The following MYO15B variants were observed in gnomAD, a reference collection of about 807,000 sequenced individuals.
MYO15B encodes the protein myosin XVB pseudogene.
A neutral mutation model predicts 119.3 loss-of-function variants in MYO15B; 207 were observed. The ratio of observed to expected loss-of-function variants is 1.73; its 90% CI spans 1.55 to 1.95. The LOEUF is 1.95. Among genes scored for constraint, MYO15B ranks in the 30% most tolerant of loss-of-function variants. The pLI, the probability that MYO15B is intolerant of heterozygous loss-of-function variation, is 0.00. For missense variants in MYO15B, 2,264 were observed against 1,203.1 expected (o/e 1.88, Z -13.04); for synonymous variants, 966 against 498.9 (o/e 1.94, Z -12.48).
intron 14 of MYO15B, chr17:75,600,488 C>T (rs1047957627): frequency 1.3e-4 from 20 of 151,708 alleles, no homozygotes; most frequent in African/African-American, 2.7e-4. Flanking sequence ...CACTCTCTCA[C>T]GCAGGCTGGA....
chr17:75,590,209 G>C (rs1041475176), exon 1 of MYO15B: 9 of 398,980 alleles, frequency 2.3e-5, no homozygotes, highest in African/African-American at 6.2e-5. Flanking sequence ...CCTCGGAGAC[G>C]GCCTGGAAGA....
chr17:75,590,975 C>G (rs2056403716), exon 3 of MYO15B: 1 of 569,760 alleles, frequency 1.8e-6, no homozygotes, highest in African/African-American at 1.9e-5. Flanking sequence ...CACCTGAGGT[C>G]CAGGCAAGCT....
intron 58 of MYO15B, 42 bp from the exon 59 acceptor site, chr17:75,624,729 G>A (rs1304744910): frequency 1.4e-6 from 1 of 702,592 alleles, no homozygotes; most frequent in Admixed American, 2.0e-5. Flanking sequence ...AGGGCCGGGT[G>A]TGTGTGGTCT....
Position 75,621,572 on chromosome 17 carries a change from T to C in MYO15B, c.8005+2T>C, listed in dbSNP as rs1176500421. 1 of 700,862 alleles carries C rather than the reference T, an allele frequency of 1.4e-6. No homozygotes were observed. Among genetic ancestry groups the C allele is most frequent in the Admixed American group, 2.0e-5 (1 of 49,970 alleles). 43.4% of individuals were successfully genotyped at this position (700,862 alleles called of 1,614,324 possible). ...AGCTGGCTGTAGCCAGCTTCCTGGGTGAGTGGCCACAGGCATCCTGGGTCC... is the reference window on the plus strand; with the variant it reads ...AGCTGGCTGTAGCCAGCTTCCTGGGCGAGTGGCCACAGGCATCCTGGGTCC... On this transcript the variant is annotated splice_donor_variant, in intron 52 of 63. Transcript: ENST00000645453. LOFTEE classifies it high-confidence loss of function.
At chr17:75,594,946 A>T (rs761265053) in exon 12 of MYO15B, 10 of 702,950 alleles carry the variant, frequency 1.4e-5, no homozygotes, top group Non-Finnish European at 2.3e-5. Context: ...TGGCACCGTC[A>T]CTGTCGTGGA....
Position 75,617,329 on chromosome 17 carries a change from C to T in MYO15B, c.6814+25C>T, listed in dbSNP as rs759922046. ...TGTAAGGAACCACATTTCTCCTGCGCCGTGGGCTTCACTGGGGCAGAGGCA... is the reference window on the plus strand; with the variant it reads ...TGTAAGGAACCACATTTCTCCTGCGTCGTGGGCTTCACTGGGGCAGAGGCA... On this transcript the variant is annotated intron_variant, in intron 41 of 63. Transcript: ENST00000645453. 4.9e-6 allele frequency: 3 copies of T among 606,904 alleles called. No homozygotes were observed. In the South Asian group the frequency reaches 5.7e-5, roughly 11 times the overall value. The allele number at this position is 606,904 out of a possible 1,614,324, so 37.6% of individuals were successfully genotyped here.
At chr17:75,602,562 G>A (rs2057352455) in exon 16 of MYO15B, 1 of 693,440 alleles carries the variant, frequency 1.4e-6, no homozygotes, top group Non-Finnish European at 2.6e-6. Context: ...GGACCCTGCT[G>A]TGGTGGAGAT....
rs149505947 is a variant in MYO15B, at chr17:75,604,983, C to T, written c.4017-521C>T. Among the ~76,000 whole-genome samples the T allele has an allele frequency of 4.6e-5, 7 of 151,250 alleles. No homozygotes were observed. In the East Asian group the frequency reaches 1.4e-3, roughly 30 times the overall value. ...AGAAACCCCGTCTCTACTAAAAATA[C>T]AAAATCAGCTGGGCGTGGTGTTGCA... is the stretch of plus-strand genomic sequence containing the variant. On this transcript the variant is annotated intron_variant, in intron 19 of 63. Coordinates refer to ENST00000645453, the Ensembl canonical transcript of MYO15B.
intron 14 of MYO15B, among the ~76,000 whole-genome samples, chr17:75,599,749 G>A (rs1241600461): frequency 6.6e-6 from 1 of 151,478 alleles, no homozygotes; most frequent in African/African-American, 2.4e-5. Flanking sequence ...CAAAAAATGA[G>A]TCGAGCGTGG....
rs188776196 is a variant in MYO15B at position 75,613,055 on chromosome 17, T to G, written c.4813T>G (p.Cys1605Gly). The G allele has an allele frequency of 4.8e-4, 339 of 701,684 alleles. No homozygotes were observed. In the African/African-American group the frequency reaches 5.2e-3, roughly 11 times the overall value. 43.5% of individuals were successfully genotyped at this position (701,684 alleles called of 1,614,324 possible). Residue 1605 changes from cysteine to glycine, a missense_variant, in exon 27 of 64, where the codon TGC becomes GGC. By Grantham distance (159) the Cys-to-Gly change is radical (BLOSUM62 -3). Transcript: ENST00000645453. ...CGCATACCTGGTGCGGCAGGGGCAG[T>G]GCCGGCCAGGGCTGCGGAATGAGCT...
intron 19 of MYO15B, among the ~76,000 whole-genome samples, chr17:75,605,303 G>A (rs1276453996): frequency 6.6e-6 from 1 of 152,174 alleles, no homozygotes; most frequent in Admixed American, 6.5e-5. Context: ...CGGGTGCGGT[G>A]GCGGGCACCT....
intron 47 of MYO15B, 40 bp from the exon 48 acceptor site, chr17:75,620,206 G>A (rs544719075): frequency 8.5e-6 from 6 of 702,102 alleles, no homozygotes; most frequent in Admixed American, 2.0e-5. Context: ...GGAGGCACAG[G>A]CAGACTTGCT....
chr17:75,626,618 G>A (rs2059084498), exon 64 of MYO15B: 2 of 637,506 alleles, frequency 3.1e-6, no homozygotes, highest in Admixed American at 4.7e-5. Flanking sequence ...CCCACATGCA[G>A]GCCATGAGGC....
At chr17:75,617,981 C>T in intron 42 of MYO15B, 59 bp downstream of exon 42, 1 of 694,848 alleles carries the variant, frequency 1.4e-6, no homozygotes, top group Non-Finnish European at 2.6e-6. Context: ...AGGCGGCAGG[C>T]TTTGTGCATC....
chr17:75,594,533 G>A lies in MYO15B; in HGVS notation c.3050G>A (p.Arg1017Gln), dbSNP rs924009322. 1.7e-5 allele frequency: 11 copies of A among 632,606 alleles called. No individual in the cohort carries two copies. The Admixed American group carries it at 2.9e-4, about 16-fold the overall frequency. 39.2% of individuals were successfully genotyped at this position (632,606 alleles called of 1,614,324 possible). A position where few individuals can be genotyped will look rare whatever the true frequency, so the allele number is the denominator to read the frequency against. ...TGGGCTGAGATCCACACAGCAGCCC[G>A]ACTGCTGCGGGTACCACCAGAGTGC... is the stretch of plus-strand genomic sequence containing the variant. The change falls in exon 10 of 64, where the codon CGA becomes CAA. Residue 1017 changes from arginine to glutamine, a missense_variant. Arg to Gln is a conservative substitution (Grantham distance 43). Coordinates refer to ENST00000645453, the Ensembl canonical transcript of MYO15B.
At chr17:75,620,610 C>T (rs1238473880) in exon 49 of MYO15B, 1 of 702,070 alleles carries the variant, frequency 1.4e-6, no homozygotes, top group Admixed American at 2.0e-5. Context: ...GGAACCAGGG[C>T]TGGCTCGGTG....
chr17:75,613,922 CG>C (rs942872343), intron 29 of MYO15B, 145 bp downstream of exon 29: 2 of 600,710 alleles, frequency 3.3e-6, no homozygotes, highest in Non-Finnish European at 6.0e-6. Context: ...GATGGGGAGC[CG>C]GGGGCAGATT....
chr17:75,597,013 G>C (rs1598737602), intron 14 of MYO15B, 114 bp downstream of exon 14: 1 of 596,630 alleles, frequency 1.7e-6, no homozygotes, highest in Non-Finnish European at 3.0e-6. Context: ...GGGATCCAGC[G>C]ACCCTGATCA....
intron 19 of MYO15B, among the ~76,000 whole-genome samples, chr17:75,605,089 A>G (rs1379989660): frequency 6.6e-6 from 1 of 150,492 alleles, no homozygotes; most frequent in East Asian, 2.0e-4. Flanking sequence ...GTGAGCTGAG[A>G]TTGCACCATT....
Sources: allele counts gnomAD v4.1 joint callset (sites outside exome capture counted in the v4.1 genomes callset), GRCh38; gene constraint gnomAD v4.1.1; transcripts MANE v1.5; gene names NCBI Gene and HGNC (gene_info 2026-07-23, HGNC 2026-07-21).